Variants in SGCD observed in about 807,000 individuals in gnomAD.
SGCD encodes the protein delta-sarcoglycan.
Under a neutral mutation model 36.6 loss-of-function variants are expected in SGCD, and 18 were observed. That is an observed-to-expected ratio of 0.49 (90% confidence interval 0.34 to 0.73). The LOEUF is 0.73. Among genes scored for constraint, SGCD ranks in the 30% least tolerant of loss-of-function variants. The pLI, the probability that SGCD is intolerant of heterozygous loss-of-function variation, is 0.01. For missense variants in SGCD, 387 were observed against 346.7 expected (o/e 1.12, Z -0.92); for synonymous variants, 133 against 130.6 (o/e 1.02, Z -0.12).
chr5:155,803,200 G>T, the SGCD span, among the ~76,000 whole-genome samples: 1 of 152,208 alleles, frequency 6.6e-6, no homozygotes, highest in Non-Finnish European at 1.5e-5. Flanking sequence ...ATGTATTTCA[G>T]CAGAGGGAAT....
chr5:156,672,723 A>G (rs900825663), intron 7 of SGCD, among the ~76,000 whole-genome samples: 2 of 152,046 alleles, frequency 1.3e-5, no homozygotes, highest in Non-Finnish European at 2.9e-5. Context: ...TAGCCATTGT[A>G]TGAGTGTTTC....
chr5:156,021,434 C>T (rs115909189), intron 1 of SGCD, among the ~76,000 whole-genome samples: 2,350 of 152,100 alleles, frequency 0.015, 67 homozygotes, highest in African/African-American at 0.053. Flanking sequence ...GTGGGAGGAT[C>T]GCTTGAGCCC....
chr5:156,627,312 T>C (rs1367782016), intron 6 of SGCD, among the ~76,000 whole-genome samples: 1 of 152,064 alleles, frequency 6.6e-6, no homozygotes, highest in African/African-American at 2.4e-5. Context: ...GTCCCTAAAA[T>C]TGGGCCTTGG....
the SGCD span, among the ~76,000 whole-genome samples, chr5:155,844,848 T>A: frequency 0.019 from 2,856 of 152,282 alleles, 102 homozygotes; most frequent in African/African-American, 0.066. Context: ...CTGGATGATA[T>A]TAATTATTTT....
At chr5:156,142,399 A>G (rs775909808) in intron 3 of SGCD, among the ~76,000 whole-genome samples, 3 of 152,234 alleles carry the variant, frequency 2.0e-5, no homozygotes, top group Non-Finnish European at 4.4e-5. Flanking sequence ...CTATAAAAGC[A>G]TCTGAAAACG....
chr5:156,691,530 T>C (rs1754111612), intron 7 of SGCD, among the ~76,000 whole-genome samples: 1 of 152,172 alleles, frequency 6.6e-6, no homozygotes, highest in South Asian at 2.1e-4. Context: ...ACCCTGCCAT[T>C]GTAGTTCAAA....
chr5:156,632,963 C>T (rs1289600382), intron 6 of SGCD, among the ~76,000 whole-genome samples: 2 of 152,028 alleles, frequency 1.3e-5, no homozygotes, highest in East Asian at 3.9e-4. Context: ...TGTGAGAAGA[C>T]AGTGCAGGAG....
chr5:156,084,168 TGTA>T (rs1289116086), intron 1 of SGCD, among the ~76,000 whole-genome samples: 3 of 152,232 alleles, frequency 2.0e-5, no homozygotes, highest in African/African-American at 7.2e-5. Flanking sequence ...GCATCAAACT[TGTA>T]GTTCAATTTG....
At chr5:155,777,993 A>G in the SGCD span, among the ~76,000 whole-genome samples, 2 of 152,110 alleles carry the variant, frequency 1.3e-5, no homozygotes, top group African/African-American at 4.8e-5. Flanking sequence ...AGAGAGACAT[A>G]TATTCTTTTG....
At chr5:155,841,635 GGT>G in the SGCD span, among the ~76,000 whole-genome samples, 2 of 151,818 alleles carry the variant, frequency 1.3e-5, no homozygotes, top group Non-Finnish European at 2.9e-5. Context: ...CCATTTGTCA[GGT>G]GTATTACAAA....
chr5:156,276,754 TA>T (rs1166169069), intron 3 of SGCD, among the ~76,000 whole-genome samples: 1 of 152,180 alleles, frequency 6.6e-6, no homozygotes, highest in Non-Finnish European at 1.5e-5. Flanking sequence ...AAGTACATTT[TA>T]AAGTGTGTAA....
At position 156,762,970 on chromosome 5, in the gene SGCD, G is replaced by A. The variant is rs1214313359; in HGVS notation, c.*3580G>A. The A allele has an allele frequency of 2.6e-5, 4 of 152,308 alleles. No individual in the cohort carries two copies. Among genetic ancestry groups the A allele is most frequent in the Non-Finnish European group, 5.9e-5 (4 of 68,040 alleles). 9.4% of individuals were successfully genotyped at this position (152,308 alleles called of 1,614,324 possible). A position where few individuals can be genotyped will look rare whatever the true frequency, so the allele number is the denominator to read the frequency against. ...GGAAGCCCTTCCTTATGTTACATGT[G>A]GAAAGCCTGCCTTCCAAGACATGTG... On this transcript the variant is annotated 3_prime_UTR_variant, in exon 9 of 9. Coordinates refer to ENST00000337851, the MANE Select transcript of SGCD (RefSeq NM_000337.6).
At chr5:156,022,559 A>T (rs1759129885) in intron 1 of SGCD, among the ~76,000 whole-genome samples, 2 of 152,224 alleles carry the variant, frequency 1.3e-5, no homozygotes, top group Admixed American at 1.3e-4. Flanking sequence ...AACTTCAATT[A>T]TAGAAGAAAC....
intron 6 of SGCD, among the ~76,000 whole-genome samples, chr5:156,625,644 CTG>C (rs1283040553): frequency 6.6e-6 from 1 of 152,200 alleles, no homozygotes; most frequent in Non-Finnish European, 1.5e-5. Flanking sequence ...CTGTAAATCT[CTG>C]GGGTCCATTG....
In SGCD at chr5:156,054,267, A is replaced by G. The variant is rs906533238; in HGVS notation, c.-281-63611A>G. Among the ~76,000 whole-genome samples the G allele has an allele frequency of 7.2e-4, 98 of 135,694 alleles. 13 individuals are homozygous for G. The highest frequency in any genetic ancestry group is 8.4e-3 in the Middle Eastern group (2 of 238). The allele number at this position is 135,694 out of a possible 152,430, so 89.0% of individuals were successfully genotyped here. Reference sequence around the variant, plus strand: ...TGTTTGGATTCCAGTTAAACCAATTAAACATGAACTTTCCTTCTTTTTTTT... The same window carrying G: ...TGTTTGGATTCCAGTTAAACCAATTGAACATGAACTTTCCTTCTTTTTTTT... On this transcript the variant is annotated intron_variant, in intron 1 of 9. Transcript: ENST00000517913.
At chr5:156,437,686 C>A (rs13436545) in intron 3 of SGCD, among the ~76,000 whole-genome samples, 2,982 of 152,202 alleles carry the variant, frequency 0.02, 107 homozygotes, top group African/African-American at 0.067. Context: ...TATCTAGCAA[C>A]AAAGGGGAGT....
intron 3 of SGCD, among the ~76,000 whole-genome samples, chr5:156,392,020 G>A (rs1393270161): frequency 2.0e-5 from 3 of 152,288 alleles, no homozygotes; most frequent in East Asian, 3.9e-4. Flanking sequence ...AGTTCTTTTA[G>A]CACTACGTAT....
the SGCD span, among the ~76,000 whole-genome samples, chr5:155,863,126 A>C: frequency 6.6e-6 from 1 of 152,142 alleles, no homozygotes; most frequent in African/African-American, 2.4e-5. Flanking sequence ...AGGGCAGCTG[A>C]AGCCAGAAGC....
intron 1 of SGCD, among the ~76,000 whole-genome samples, chr5:155,909,967 T>C (rs1242588318): frequency 6.6e-6 from 1 of 152,112 alleles, no homozygotes; most frequent in Non-Finnish European, 1.5e-5. Context: ...AAAAGACAAG[T>C]GATAACCATA....
Sources: allele counts gnomAD v4.1 joint callset (sites outside exome capture counted in the v4.1 genomes callset), GRCh38; gene constraint gnomAD v4.1.1; transcripts MANE v1.5; gene names NCBI Gene and HGNC (gene_info 2026-07-23, HGNC 2026-07-21).